The following CDH18 variants were observed in gnomAD, a reference collection of about 807,000 sequenced individuals.
CDH18 encodes cadherin-18.
CDH18 carries 31 observed loss-of-function variants against 67.9 expected under a neutral mutation model. The observed-to-expected ratio is 0.46, with a 90% CI of 0.34 to 0.62. The LOEUF is 0.62. Among genes scored for constraint, CDH18 ranks in the 20% least tolerant of loss-of-function variants. The probability of loss-of-function intolerance (pLI) is 0.01; values close to 1 mark genes in which losing one functional copy is unlikely to be tolerated. For missense variants in CDH18, 890 were observed against 975.5 expected (o/e 0.91, Z 1.17); for synonymous variants, 362 against 347.2 (o/e 1.04, Z -0.48).
intron 2 of CDH18, among the ~76,000 whole-genome samples, chr5:20,040,173 T>C (rs965473872): frequency 1.1e-4 from 17 of 152,232 alleles, no homozygotes; most frequent in African/African-American, 4.1e-4. Context: ...CTAGTTAGAA[T>C]GGCAATCATT....
intron 9 of CDH18, among the ~76,000 whole-genome samples, chr5:19,534,014 A>G (rs1448314873): frequency 6.6e-6 from 1 of 152,212 alleles, no homozygotes; most frequent in African/African-American, 2.4e-5. Context: ...TTGTCTTACA[A>G]TATGATACTA....
At chr5:20,334,714 T>C (rs943270260) in intron 1 of CDH18, among the ~76,000 whole-genome samples, 10 of 151,014 alleles carry the variant, frequency 6.6e-5, no homozygotes, top group African/African-American at 2.0e-4. Flanking sequence ...TCCCAACACA[T>C]ATATGAGTGC....
intron 3 of CDH18, among the ~76,000 whole-genome samples, chr5:19,816,726 TA>T (rs962792808): frequency 3.3e-5 from 5 of 151,734 alleles, no homozygotes; most frequent in Non-Finnish European, 7.4e-5. Flanking sequence ...TTTTATTTAA[TA>T]AAAAAAATTT....
At chr5:20,459,246 C>A (rs575562272) in intron 1 of CDH18, among the ~76,000 whole-genome samples, 26 of 152,292 alleles carry the variant, frequency 1.7e-4, no homozygotes, top group Non-Finnish European at 3.4e-4. Context: ...ACGTGAGCAG[C>A]TTTTCTATAC....
chr5:19,578,675 C>T (rs1343354709), intron 7 of CDH18, among the ~76,000 whole-genome samples: 1 of 151,416 alleles, frequency 6.6e-6, no homozygotes, highest in African/African-American at 2.4e-5. Context: ...TCTTTTTAGT[C>T]GATGTCTTTG....
intron 3 of CDH18, among the ~76,000 whole-genome samples, chr5:19,769,963 A>C (rs1001686065): frequency 6.6e-6 from 1 of 152,104 alleles, no homozygotes; most frequent in Non-Finnish European, 1.5e-5. Context: ...TATGTAAACA[A>C]TAAATAAAGA....
At chr5:19,898,917 G>C (rs1293458640) in intron 2 of CDH18, among the ~76,000 whole-genome samples, 5 of 152,040 alleles carry the variant, frequency 3.3e-5, no homozygotes, top group Admixed American at 2.0e-4. Flanking sequence ...CTGTTAAGAG[G>C]CTCATTACAA....
intron 5 of CDH18, among the ~76,000 whole-genome samples, chr5:19,717,208 A>G (rs940851637): frequency 5.3e-5 from 8 of 152,094 alleles, no homozygotes; most frequent in Non-Finnish European, 7.4e-5. Context: ...GGTCATCAGG[A>G]AGATTCAGTA....
At chr5:19,808,328 A>AT (rs1778252085) in intron 3 of CDH18, among the ~76,000 whole-genome samples, 1 of 147,216 alleles carries the variant, frequency 6.8e-6, no homozygotes, top group African/African-American at 2.4e-5. Flanking sequence ...CAAAAAAAAA[A>AT]CAAAAATAAA....
At chr5:19,502,299 A>G (rs993115342) in intron 11 of CDH18, among the ~76,000 whole-genome samples, 4 of 152,178 alleles carry the variant, frequency 2.6e-5, no homozygotes, top group Non-Finnish European at 5.9e-5. Flanking sequence ...AGTTGATCCT[A>G]ATCAGAAAAC....
intron 2 of CDH18, among the ~76,000 whole-genome samples, chr5:20,103,947 A>G (rs1746700443): frequency 6.6e-6 from 1 of 151,634 alleles, no homozygotes; most frequent in Admixed American, 6.6e-5. Flanking sequence ...ACAGTATTCA[A>G]TACAGTAACA....
chr5:20,373,309 C>A (rs765482169), intron 1 of CDH18, among the ~76,000 whole-genome samples: 1 of 152,116 alleles, frequency 6.6e-6, no homozygotes, highest in Non-Finnish European at 1.5e-5. Flanking sequence ...TTTCTTAAGT[C>A]CCTAGATGCT....
intron 1 of CDH18, among the ~76,000 whole-genome samples, chr5:20,338,085 T>A (rs1255957276): frequency 6.6e-6 from 1 of 152,188 alleles, no homozygotes; most frequent in African/African-American, 2.4e-5. Flanking sequence ...ATGATTCAGT[T>A]ACCTACCACT....
chr5:19,608,595 G>A (rs1455712404), intron 6 of CDH18, among the ~76,000 whole-genome samples: 1 of 151,538 alleles, frequency 6.6e-6, no homozygotes, highest in African/African-American at 2.4e-5. Flanking sequence ...AAACAATTGT[G>A]ATGTTTACTA....
In CDH18 at chr5:20,335,802, T is replaced by A. The variant is rs144526553; in HGVS notation, c.-579-80297A>T. Among the ~76,000 whole-genome samples the A allele has an allele frequency of 3.3e-5, 5 of 152,292 alleles. No homozygotes were observed. The East Asian group carries it at 9.7e-4, about 29-fold the overall frequency. ...AGAGTTAAAGCATGCACCAGGCAAC[T>A]GAAAAGTATGTCATAAAAATATTAA... On this transcript the variant is annotated intron_variant, in intron 1 of 14. Coordinates refer to the CDH18 transcript ENST00000507958.
At chr5:20,148,684 A>ATT (rs1261192670) in intron 2 of CDH18, among the ~76,000 whole-genome samples, 3 of 152,110 alleles carry the variant, frequency 2.0e-5, no homozygotes, top group Non-Finnish European at 4.4e-5. Context: ...TGATTAGTCC[A>ATT]TAGAAGTGGG....
At chr5:20,060,831 A>G in intron 2 of CDH18, among the ~76,000 whole-genome samples, 1 of 152,114 alleles carries the variant, frequency 6.6e-6, no homozygotes, top group East Asian at 1.9e-4. Context: ...ACTATTTAAA[A>G]ATATATAATA....
At chr5:20,327,368 G>A (rs569750031) in intron 1 of CDH18, among the ~76,000 whole-genome samples, 6 of 152,142 alleles carry the variant, frequency 3.9e-5, no homozygotes, top group South Asian at 2.1e-4. Flanking sequence ...TGACTTTTTC[G>A]TCTGCTTCCT....
chr5:20,045,748 A>G (rs768210172), intron 2 of CDH18, among the ~76,000 whole-genome samples: 53 of 152,092 alleles, frequency 3.5e-4, no homozygotes, highest in Non-Finnish European at 6.9e-4. Flanking sequence ...GAGACTTGTA[A>G]AAAACAAAGG....
Sources: gnomAD v4.1 joint callset for allele counts (sites outside exome capture counted in the v4.1 genomes callset) on GRCh38, gnomAD v4.1.1 for gene constraint, MANE v1.5 for transcripts, NCBI Gene and HGNC (gene_info 2026-07-23, HGNC 2026-07-21) for gene names.